ARHGEF28: variants seen among roughly 807,000 people sequenced by gnomAD.
The protein encoded by ARHGEF28 is Rho guanine nucleotide exchange factor 28, also known as 190 kDa guanine nucleotide exchange factor.
A neutral mutation model predicts 206.6 loss-of-function variants in ARHGEF28; 152 were observed. That is an observed-to-expected ratio of 0.74 (90% CI 0.64 to 0.84). The LOEUF is 0.84. ARHGEF28 is among the 40% of genes least tolerant of loss of function. ARHGEF28 has a pLI of 0.00. For synonymous variants in ARHGEF28, 763 were observed against 776.4 expected (o/e 0.98, Z 0.29); for missense variants, 2,028 against 2,073.2 (o/e 0.98, Z 0.42).
intron 22 of ARHGEF28, among the ~76,000 whole-genome samples, chr5:73,875,905 T>C (rs1412509645): frequency 6.6e-6 from 1 of 152,194 alleles, no homozygotes; most frequent in Non-Finnish European, 1.5e-5. Flanking sequence ...CGATGCGGGC[T>C]CTTTTTTGGT....
intron 1 of ARHGEF28, among the ~76,000 whole-genome samples, chr5:73,675,698 A>T (rs373524794): frequency 7.1e-6 from 1 of 140,988 alleles, no homozygotes; most frequent in East Asian, 2.1e-4. Flanking sequence ...GCACCACTGC[A>T]CTCCAGCCTG....
intron 2 of ARHGEF28, among the ~76,000 whole-genome samples, chr5:73,718,949 G>A (rs1749751466): frequency 6.6e-6 from 1 of 152,140 alleles, no homozygotes; most frequent in African/African-American, 2.4e-5. Flanking sequence ...TTCATCTCCT[G>A]GGCTGACGCA....
At chr5:73,916,362 G>A (rs543667323) in intron 35 of ARHGEF28, among the ~76,000 whole-genome samples, 1 of 152,290 alleles carries the variant, frequency 6.6e-6, no homozygotes, top group African/African-American at 2.4e-5. Context: ...TGAAGAGGGG[G>A]AATGTATTTG....
chr5:73,707,701 A>T, intron 2 of ARHGEF28, among the ~76,000 whole-genome samples: 1 of 152,064 alleles, frequency 6.6e-6, no homozygotes, highest in East Asian at 1.9e-4. Flanking sequence ...ACTTATGTGA[A>T]TTTTTTATTG....
At chr5:73,709,876 G>A (rs1031597390) in intron 2 of ARHGEF28, among the ~76,000 whole-genome samples, 2 of 152,110 alleles carry the variant, frequency 1.3e-5, no homozygotes, top group Non-Finnish European at 2.9e-5. Context: ...ATGCATTTCC[G>A]ATTTGTTCCT....
intron 9 of ARHGEF28, among the ~76,000 whole-genome samples, chr5:73,805,232 T>C (rs959622081): frequency 1.3e-5 from 2 of 152,204 alleles, no homozygotes; most frequent in Non-Finnish European, 2.9e-5. Flanking sequence ...TCTTTGATTC[T>C]TGAATTGTAG....
intron 2 of ARHGEF28, among the ~76,000 whole-genome samples, chr5:73,698,097 A>G (rs1018592159): frequency 9.9e-5 from 15 of 152,172 alleles, no homozygotes; most frequent in Non-Finnish European, 1.5e-4. Context: ...GATAAATAAC[A>G]AATCTTAAAA....
intron 22 of ARHGEF28, among the ~76,000 whole-genome samples, chr5:73,877,513 T>G (rs1194127787): frequency 7.4e-6 from 1 of 134,454 alleles, no homozygotes; most frequent in Non-Finnish European, 1.6e-5. Context: ...ATTGTGATGT[T>G]AGGGTGTCAA....
At chr5:73,916,670 T>C (rs1050036913) in intron 35 of ARHGEF28, among the ~76,000 whole-genome samples, 12 of 152,148 alleles carry the variant, frequency 7.9e-5, no homozygotes, top group African/African-American at 2.9e-4. Context: ...ACAAATACAT[T>C]CTGAGCTACT....
At position 73,809,443 on chromosome 5, in the gene ARHGEF28, A is replaced by G. The variant is rs552755640; in HGVS notation, c.1024+14052A>G. 3.0e-4 allele frequency among the ~76,000 whole-genome samples: 45 copies of G among 152,262 alleles called. No individual in the cohort carries two copies. The South Asian group carries it at 7.9e-3, about 27-fold the overall frequency. On this transcript the variant is annotated intron_variant, in intron 9 of 35. Transcript: ENST00000513042. Reference sequence around the variant, plus strand: ...TGGGAATGACTTGGTTAGGGCCACTAACTGACGGAGCCATTATTTGAACCC... The same window carrying G: ...TGGGAATGACTTGGTTAGGGCCACTGACTGACGGAGCCATTATTTGAACCC...
chr5:73,627,877 C>A lies in ARHGEF28; in HGVS notation c.-12+1555C>A, dbSNP rs564626383. Among the ~76,000 whole-genome samples the A allele has an allele frequency of 2.0e-3, 307 of 152,080 alleles. 1 individual carries two copies. Among genetic ancestry groups the A allele is most frequent in the Admixed American group, 3.9e-3 (59 of 15,284 alleles). ...TGGAGAACAGAGAATCAGTGTTTGT[C>A]CTGCTTTTGACTTTTTTTTTTTCCT... On this transcript the variant is annotated intron_variant, in intron 1 of 35. Coordinates refer to ENST00000513042, the MANE Select transcript of ARHGEF28 (RefSeq NM_001177693.2).
chr5:73,762,165 C>A (rs574126645), intron 4 of ARHGEF28, among the ~76,000 whole-genome samples: 1 of 151,840 alleles, frequency 6.6e-6, no homozygotes, highest in East Asian at 1.9e-4. Context: ...TTAAAAAAAT[C>A]TATTTTGAGG....
chr5:73,679,951 T>A lies in ARHGEF28; in HGVS notation c.-11-4890T>A, dbSNP rs560231841. 2.0e-5 allele frequency among the ~76,000 whole-genome samples: 3 copies of A among 152,260 alleles called. No homozygotes were observed. The South Asian group carries it at 6.2e-4, about 32-fold the overall frequency. On this transcript the variant is annotated intron_variant, in intron 1 of 35. Coordinates refer to ENST00000513042, the MANE Select transcript of ARHGEF28 (RefSeq NM_001177693.2). ...GTTCTTATTTCCACAAAATTAACCA[T>A]GTTGATTGATTAATGTCCCATAGAA...
intron 35 of ARHGEF28, among the ~76,000 whole-genome samples, chr5:73,938,160 C>CCACA (rs199804024): frequency 0.05 from 7,018 of 139,482 alleles, 203 homozygotes; most frequent in South Asian, 0.081. Context: ...CTACACTACA[C>CCACA]CACACACACA....
intron 9 of ARHGEF28, among the ~76,000 whole-genome samples, chr5:73,820,393 G>A (rs1180018083): frequency 6.6e-6 from 1 of 151,652 alleles, no homozygotes; most frequent in East Asian, 1.9e-4. Flanking sequence ...AATGGGGGGT[G>A]GAGGTGGAGG....
intron 1 of ARHGEF28, among the ~76,000 whole-genome samples, chr5:73,641,263 G>A (rs1744073533): frequency 6.6e-6 from 1 of 152,182 alleles, no homozygotes; most frequent in Non-Finnish European, 1.5e-5. Context: ...GTTTGTAAAT[G>A]CTTGCCTTCC....
intron 1 of ARHGEF28, among the ~76,000 whole-genome samples, chr5:73,642,124 A>G (rs1744151531): frequency 6.6e-6 from 1 of 152,216 alleles, no homozygotes; most frequent in Non-Finnish European, 1.5e-5. Flanking sequence ...TCCGCCTGTG[A>G]AAAAGACCAG....
intron 9 of ARHGEF28, among the ~76,000 whole-genome samples, chr5:73,828,708 C>G (rs923328835): frequency 1.4e-5 from 2 of 147,740 alleles, no homozygotes; most frequent in African/African-American, 5.0e-5. Context: ...TTCTCTCTGT[C>G]TCTTTCTCTT....
chr5:73,910,989 A>G (rs1267698877), intron 34 of ARHGEF28, among the ~76,000 whole-genome samples: 1 of 152,232 alleles, frequency 6.6e-6, no homozygotes, highest in Non-Finnish European at 1.5e-5. Context: ...TAGCAAAAGT[A>G]AAAACTGCTG....
Sources: allele counts gnomAD v4.1 joint callset (sites outside exome capture counted in the v4.1 genomes callset), GRCh38; gene constraint gnomAD v4.1.1; transcripts MANE v1.5; gene names NCBI Gene and HGNC (gene_info 2026-07-23, HGNC 2026-07-21).